Variants in EYA4 observed in about 807,000 individuals in gnomAD.
The protein encoded by EYA4 is protein phosphatase EYA4.
Under a neutral mutation model 87.9 loss-of-function variants are expected in EYA4, and 31 were observed. The observed-to-expected ratio is 0.35, with a 90% CI of 0.27 to 0.48. The LOEUF (loss-of-function observed/expected upper bound fraction) is 0.48. EYA4 is among the 20% of genes least tolerant of loss of function. The pLI is 0.99. For missense variants in EYA4, 678 were observed against 761.4 expected (o/e 0.89, Z 1.29); for synonymous variants, 263 against 270.6 (o/e 0.97, Z 0.28).
chr6:133,530,629 T>C lies in EYA4; in HGVS notation c.*1824T>C. ...CACAACATTCACTGTGGAAATATGATTTCATTTCTTTAGGCTACAAACCTG... is the reference window on the plus strand; with the variant it reads ...CACAACATTCACTGTGGAAATATGACTTCATTTCTTTAGGCTACAAACCTG... On this transcript the variant is annotated 3_prime_UTR_variant, in exon 20 of 20. Coordinates refer to ENST00000355286, the MANE Select transcript of EYA4 (RefSeq NM_004100.5). 1.0e-6 allele frequency: 1 copy of C among 985,750 alleles called. No individual in the cohort carries two copies. 61.1% of individuals were successfully genotyped at this position (985,750 alleles called of 1,614,324 possible). A position where few individuals can be genotyped will look rare whatever the true frequency, so the allele number is the denominator to read the frequency against.
chr6:133,463,912 C>T (rs1408739044), intron 9 of EYA4, among the ~76,000 whole-genome samples: 2 of 151,542 alleles, frequency 1.3e-5, no homozygotes, highest in South Asian at 4.2e-4. Context: ...TGAAAGCATG[C>T]TATAGCCACA....
intron 2 of EYA4, among the ~76,000 whole-genome samples, chr6:133,361,236 A>C (rs1468675425): frequency 6.6e-6 from 1 of 152,162 alleles, no homozygotes; most frequent in Non-Finnish European, 1.5e-5. Context: ...CTCCATAGCA[A>C]AAGCAGGCAT....
At chr6:133,276,515 G>A (rs1197579894) in intron 2 of EYA4, among the ~76,000 whole-genome samples, 3 of 152,180 alleles carry the variant, frequency 2.0e-5, no homozygotes, top group Non-Finnish European at 4.4e-5. Flanking sequence ...CACAGAACTT[G>A]TAAATCAGAT....
chr6:133,399,797 A>G (rs1788104702), intron 3 of EYA4, among the ~76,000 whole-genome samples: 1 of 152,200 alleles, frequency 6.6e-6, no homozygotes, highest in African/African-American at 2.4e-5. Context: ...TTTCCAGAGT[A>G]GGTTTCTTAA....
chr6:133,428,473 T>C (rs752870887), intron 3 of EYA4, among the ~76,000 whole-genome samples: 14 of 152,152 alleles, frequency 9.2e-5, no homozygotes, highest in South Asian at 2.1e-4. Flanking sequence ...CTACAAGTAA[T>C]AGAGAACCTG....
intron 2 of EYA4, among the ~76,000 whole-genome samples, chr6:133,357,280 A>AG (rs1271055304): frequency 1.5e-4 from 22 of 150,948 alleles, no homozygotes; most frequent in Admixed American, 3.9e-4. Flanking sequence ...CAAAAAAAAA[A>AG]AAAAAAAAAA....
chr6:133,525,951 G>A, intron 19 of EYA4: 4 of 984,260 alleles, frequency 4.1e-6, no homozygotes, highest in African/African-American at 3.5e-5. Flanking sequence ...GTGAGCCAGT[G>A]GTACTTGATT....
At chr6:133,385,127 G>A (rs570473518) in intron 3 of EYA4, among the ~76,000 whole-genome samples, 5 of 151,436 alleles carry the variant, frequency 3.3e-5, no homozygotes, top group South Asian at 2.1e-4. Flanking sequence ...GTGAAACCCC[G>A]TCTCTACTAA....
At chr6:133,379,550 T>C (rs1035751328) in intron 2 of EYA4, among the ~76,000 whole-genome samples, 9 of 152,162 alleles carry the variant, frequency 5.9e-5, no homozygotes, top group Non-Finnish European at 1.2e-4. Flanking sequence ...TCTTTTCAAA[T>C]ACAGATAAAA....
At chr6:133,274,453 A>G (rs1028301343) in intron 1 of EYA4, among the ~76,000 whole-genome samples, 2 of 152,214 alleles carry the variant, frequency 1.3e-5, no homozygotes, top group Non-Finnish European at 2.9e-5. Flanking sequence ...TTTATTGCAG[A>G]CTGTGTTTAG....
At chr6:133,355,286 C>T (rs1783929115) in intron 2 of EYA4, among the ~76,000 whole-genome samples, 1 of 152,098 alleles carries the variant, frequency 6.6e-6, no homozygotes, top group Admixed American at 6.6e-5. Flanking sequence ...TCGTTCCCCA[C>T]TATGTGTTTG....
At chr6:133,527,478 A>G (rs1341353175) in intron 19 of EYA4, among the ~76,000 whole-genome samples, 1 of 152,232 alleles carries the variant, frequency 6.6e-6, no homozygotes, top group Admixed American at 6.5e-5. Flanking sequence ...TTACAAAATT[A>G]AAGAGAAACA....
At chr6:133,518,673 A>G (rs1799825662) in intron 17 of EYA4, among the ~76,000 whole-genome samples, 1 of 152,164 alleles carries the variant, frequency 6.6e-6, no homozygotes, top group Admixed American at 6.6e-5. Context: ...CACTTAAGCA[A>G]CTCAATTTAA....
At position 133,274,789 on chromosome 6, in the gene EYA4, C is replaced by T. The variant is rs374322196; in HGVS notation, c.9C>T (p.Asp3=). The change falls in exon 2 of 20, where the codon GAC becomes GAT. Residue 3 remains aspartate, a synonymous_variant. Transcript: ENST00000355286. The part of the protein sequence containing the change: ME[D]SQDLNEQSVK... The stretch of plus-strand genomic sequence containing the variant: ...AGAAGTGAGAAAACCACATGGAAGA[C>T]TCCCAGGATTTAAATGAACAATCAG... 337 of 1,613,534 alleles carry T rather than the reference C, an allele frequency of 2.1e-4. No homozygotes were observed. The highest frequency in any genetic ancestry group is 2.8e-4 in the Non-Finnish European group (327 of 1,179,748).
chr6:133,416,774 ATAT>A (rs1235573767), intron 3 of EYA4, among the ~76,000 whole-genome samples: 51 of 152,346 alleles, frequency 3.3e-4, no homozygotes, highest in Non-Finnish European at 6.3e-4. Flanking sequence ...GTGAAATTGC[ATAT>A]TCTCTTTGTG....
At chr6:133,457,763 A>G (rs1794032199) in intron 6 of EYA4, among the ~76,000 whole-genome samples, 1 of 152,144 alleles carries the variant, frequency 6.6e-6, no homozygotes, top group African/African-American at 2.4e-5. Context: ...TCTGTATTGC[A>G]CACTTACCAT....
At chr6:133,374,039 T>A (rs976643565) in intron 2 of EYA4, among the ~76,000 whole-genome samples, 7 of 152,072 alleles carry the variant, frequency 4.6e-5, no homozygotes, top group African/African-American at 1.7e-4. Context: ...ATAAAGCCGA[T>A]ATGGCATTTA....
intron 2 of EYA4, among the ~76,000 whole-genome samples, chr6:133,300,376 T>G (rs1286066373): frequency 6.6e-6 from 1 of 152,198 alleles, no homozygotes; most frequent in Non-Finnish European, 1.5e-5. Context: ...AATATTAATG[T>G]AATGAGAGTA....
At chr6:133,458,586 G>A (rs1225047611) in intron 6 of EYA4, among the ~76,000 whole-genome samples, 1 of 152,084 alleles carries the variant, frequency 6.6e-6, no homozygotes, top group Non-Finnish European at 1.5e-5. Context: ...TGCACTGTAA[G>A]ATGTTTGGCT....
Sources: gnomAD v4.1 joint callset for allele counts (sites outside exome capture counted in the v4.1 genomes callset) on GRCh38, gnomAD v4.1.1 for gene constraint, MANE v1.5 for transcripts, NCBI Gene and HGNC (gene_info 2026-07-23, HGNC 2026-07-21) for gene names.